Variants in DDHD1 observed in about 807,000 individuals in gnomAD.
DDHD1 encodes the protein phospholipase DDHD1.
DDHD1 carries 49 observed loss-of-function variants against 96.4 expected under a neutral mutation model. The ratio of observed to expected loss-of-function variants is 0.51; its 90% CI spans 0.40 to 0.64. DDHD1 has a LOEUF of 0.64. DDHD1 is among the 30% of genes least tolerant of loss of function. DDHD1 has a pLI of 0.00. For synonymous variants in DDHD1, 442 were observed against 446.5 expected (o/e 0.99, Z 0.13); for missense variants, 1,106 against 1,161.2 (o/e 0.95, Z 0.69).
intron 1 of DDHD1, among the ~76,000 whole-genome samples, chr14:53,122,142 T>C (rs895191082): frequency 3.3e-5 from 5 of 152,150 alleles, no homozygotes; most frequent in African/African-American, 1.2e-4. Context: ...GCTTACCTTA[T>C]TGGGTTCCTG....
In DDHD1 at chr14:53,133,410, C is replaced by T. The variant is rs191362723; in HGVS notation, c.838+18851G>A. ...TCGGTTTGGCCTTTCCACCTCTATA[C>T]AATCTGATAACAGACCGGCCTTTAT... On this transcript the variant is annotated intron_variant, in intron 1 of 12. Transcript: ENST00000673822. Among the ~76,000 whole-genome samples the T allele has an allele frequency of 2.1e-3, 320 of 152,318 alleles. 1 individual carries two copies. The highest frequency in any genetic ancestry group is 7.0e-3 in the African/African-American group (289 of 41,568).
chr14:53,096,599 A>C (rs1886901842), intron 2 of DDHD1, among the ~76,000 whole-genome samples: 1 of 152,056 alleles, frequency 6.6e-6, no homozygotes, highest in Non-Finnish European at 1.5e-5. Flanking sequence ...CACAGCCAAC[A>C]GCTGATGTAC....
chr14:53,054,476 G>A lies in DDHD1; in HGVS notation c.2399C>T (p.Thr800Ile), dbSNP rs769191532. ...SPSATTVGTQ[T>I]LPHSSSGFLD... ...GAAGCCAGAACTGCTATGTGGAAGG[G>A]TCTGTGTCCCTACGGTGGTAGCAGA... Residue 800 changes from threonine (T) to isoleucine (I), a missense_variant, in exon 11 of 13, where the codon ACC becomes ATC. Thr to Ile is a moderately conservative substitution (Grantham distance 89). This residue lies in a region of DDHD1 where 650 missense variants were observed against 758.8 expected (regional missense o/e 0.86). Transcript: ENST00000673822. The A allele has an allele frequency of 6.2e-6, 10 of 1,614,102 alleles. No individual in the cohort carries two copies. In the East Asian group the frequency reaches 2.0e-4, roughly 32 times the overall value.
At chr14:53,067,208 G>C (rs112283986) in intron 6 of DDHD1, among the ~76,000 whole-genome samples, 6,679 of 150,924 alleles carry the variant, frequency 0.044, 282 homozygotes, top group East Asian at 0.13. Flanking sequence ...GCCCAGGCTG[G>C]AGTGCAATGG....
At chr14:53,103,903 TC>T in intron 1 of DDHD1, 47 bp from the exon 2 acceptor site, 1 of 1,492,664 alleles carries the variant, frequency 6.7e-7, no homozygotes. Flanking sequence ...AGATTCAACT[TC>T]CCCAAAAGAG....
rs766773682 is a variant in DDHD1 at position 53,061,173 on chromosome 14, C to T, written c.1795G>A (p.Gly599Arg). Residue 599 changes from glycine (G) to arginine (R), a missense_variant, in exon 8 of 13, where the codon GGA (glycine) becomes AGA (arginine). By Grantham distance (125) the Gly-to-Arg change is moderately radical. Transcript: ENST00000673822. ...RLKEIEERLH[G>R]LKASSMTQTP... ...TGTGTCATAGATGATGCTTTCAATC[C>T]GTGAAGCCGTTCTTCTATTTCCTTC... The T allele has an allele frequency of 2.0e-5, 32 of 1,611,180 alleles. No individual in the cohort carries two copies. The highest frequency in any genetic ancestry group is 2.4e-5 in the Non-Finnish European group (28 of 1,179,236).
At chr14:53,142,866 G>A (rs939716559) in intron 1 of DDHD1, among the ~76,000 whole-genome samples, 1 of 152,190 alleles carries the variant, frequency 6.6e-6, no homozygotes, top group Non-Finnish European at 1.5e-5. Flanking sequence ...GTGCCCATTT[G>A]AGAGTTGATT....
At chr14:53,066,126 G>C (rs538522499) in intron 6 of DDHD1, among the ~76,000 whole-genome samples, 35 of 152,210 alleles carry the variant, frequency 2.3e-4, no homozygotes, top group Non-Finnish European at 4.1e-4. Context: ...TCACAGAGCT[G>C]GTTAAGTGGC....
chr14:53,150,531 C>G (rs772197784), intron 1 of DDHD1, among the ~76,000 whole-genome samples: 4 of 152,182 alleles, frequency 2.6e-5, no homozygotes, highest in African/African-American at 4.8e-5. Flanking sequence ...CAGGCATTAA[C>G]AATTTTATCA....
chr14:53,093,246 T>C, intron 3 of DDHD1, 70 bp downstream of exon 3: 2 of 1,473,352 alleles, frequency 1.4e-6, no homozygotes, highest in Non-Finnish European at 1.8e-6. Context: ...ATATGAATTG[T>C]CTATTTTGAA....
intron 1 of DDHD1, among the ~76,000 whole-genome samples, chr14:53,148,590 G>C (rs1048357077): frequency 1.3e-5 from 2 of 152,156 alleles, no homozygotes; most frequent in Non-Finnish European, 2.9e-5. Flanking sequence ...TGGGATTACA[G>C]GCATGAGCCA....
chr14:53,046,765 AG>A lies in DDHD1; in HGVS notation c.*2del. ...TTAGGCCATTCATGTCCTTCAAGAGAGTTCAGATTGGATCTAAATTGGGTTT... is the reference window on the plus strand; with the variant it reads ...TTAGGCCATTCATGTCCTTCAAGAGATTCAGATTGGATCTAAATTGGGTTT... On this transcript the variant is annotated 3_prime_UTR_variant, in exon 13 of 13. Transcript: ENST00000673822. 21 of 1,515,588 alleles carry A rather than the reference AG, an allele frequency of 1.4e-5. No individual in the cohort carries two copies. The highest frequency in any genetic ancestry group is 1.9e-5 in the Non-Finnish European group (21 of 1,119,106). 93.9% of individuals were successfully genotyped at this position (1,515,588 alleles called of 1,614,324 possible).
chr14:53,110,731 T>G (rs1440793481), intron 1 of DDHD1, among the ~76,000 whole-genome samples: 1 of 152,158 alleles, frequency 6.6e-6, no homozygotes, highest in Non-Finnish European at 1.5e-5. Context: ...ATCCCAGCAC[T>G]TAAGGACGCT....
intron 12 of DDHD1, among the ~76,000 whole-genome samples, chr14:53,050,831 T>C (rs1043770969): frequency 6.6e-6 from 1 of 151,994 alleles, no homozygotes; most frequent in Non-Finnish European, 1.5e-5. Flanking sequence ...GGTAGCTAGG[T>C]AGGATGGTTT....
At position 53,038,070 on chromosome 14, in the gene DDHD1, A is replaced by C. The variant is rs1368520474; in HGVS notation, c.*8698T>G. ...TCTCAAAATAATAAGAGCCATCTAC[A>C]ACCAACCCACAGACATCATACTGGA... On this transcript the variant is annotated 3_prime_UTR_variant, in exon 13 of 13. Coordinates refer to ENST00000673822, the MANE Select transcript of DDHD1 (RefSeq NM_001160148.2). The C allele has an allele frequency of 6.6e-6, 1 of 152,108 alleles. No individual in the cohort carries two copies. Among genetic ancestry groups the C allele is most frequent in the East Asian group, 1.9e-4 (1 of 5,194 alleles). 9.4% of individuals were successfully genotyped at this position (152,108 alleles called of 1,614,324 possible).
In DDHD1 at chr14:53,088,431, G is replaced by C. The variant is rs374576409; in HGVS notation, c.1289+3354C>G. Among the ~76,000 whole-genome samples, 10 of 152,156 alleles carry C rather than the reference G, an allele frequency of 6.6e-5. No homozygotes were observed. In the South Asian group the frequency reaches 2.1e-3, roughly 32 times the overall value. ...ATGCAAAAATCCTCAATAAAATACTGGCAAACCAAATCCAGCAGCACATCA... is the reference window on the plus strand; with the variant it reads ...ATGCAAAAATCCTCAATAAAATACTCGCAAACCAAATCCAGCAGCACATCA... On this transcript the variant is annotated intron_variant, in intron 4 of 12. Coordinates refer to ENST00000673822, the MANE Select transcript of DDHD1 (RefSeq NM_001160148.2).
At chr14:53,122,534 T>C (rs1389591038) in intron 1 of DDHD1, among the ~76,000 whole-genome samples, 1 of 152,082 alleles carries the variant, frequency 6.6e-6, no homozygotes, top group East Asian at 1.9e-4. Flanking sequence ...TATTTCTGTA[T>C]TCTTTACACA....
Position 53,091,887 on chromosome 14 carries a change from G to T in DDHD1, c.1187C>A (p.Ala396Asp), listed in dbSNP as rs1418680956. ...CTGTGATGGCTTGTCTTCTAATGTG[G>T]CTTCTTCTACATAACCTCTATGAAG... ...TRLHRGYVEE[A>D]TLEDKPSQTT... is the part of the protein sequence containing the mutation. Residue 396 changes from alanine to aspartate, a missense_variant, in exon 4 of 13, where the codon GCC (alanine) becomes GAC (aspartate). By Grantham distance (126) the Ala-to-Asp change is moderately radical. Coordinates refer to ENST00000673822, the MANE Select transcript of DDHD1 (RefSeq NM_001160148.2). The T allele has an allele frequency of 3.1e-6, 5 of 1,613,428 alleles. No homozygotes were observed. The highest frequency in any genetic ancestry group is 8.5e-7 in the Non-Finnish European group (1 of 1,179,612).
At chr14:53,138,149 A>G (rs936833440) in intron 1 of DDHD1, among the ~76,000 whole-genome samples, 3 of 152,264 alleles carry the variant, frequency 2.0e-5, no homozygotes, top group African/African-American at 7.2e-5. Flanking sequence ...CCATGCCTGT[A>G]ATCCCAGGAC....
Sources: allele counts gnomAD v4.1 joint callset (sites outside exome capture counted in the v4.1 genomes callset), GRCh38; gene constraint gnomAD v4.1.1; regional missense constraint gnomAD v4.1.1; transcripts MANE v1.5; gene names NCBI Gene and HGNC (gene_info 2026-07-23, HGNC 2026-07-21).